Variants in ZNF618 observed in about 807,000 individuals in gnomAD.
ZNF618 encodes the protein neural precursor cell expressed, developmentally down-regulated 10.
ZNF618 carries 34 observed loss-of-function variants against 103.0 expected under a neutral mutation model. That is an observed-to-expected ratio of 0.33 (90% CI 0.25 to 0.44). ZNF618 has a LOEUF of 0.44. Ranked by LOEUF, ZNF618 falls within the 20% of genes least tolerant of loss-of-function variation. ZNF618 has a pLI of 1.00. For synonymous variants in ZNF618, 551 were observed against 542.2 expected (o/e 1.02, Z -0.23); for missense variants, 1,059 against 1,295.4 (o/e 0.82, Z 2.80).
chr9:114,002,373 G>A (rs1272502330), intron 5 of ZNF618, among the ~76,000 whole-genome samples: 1 of 152,238 alleles, frequency 6.6e-6, no homozygotes, highest in East Asian at 1.9e-4. Flanking sequence ...CTCAGTGTCA[G>A]TGGCCCCCAC....
intron 13 of ZNF618, among the ~76,000 whole-genome samples, chr9:114,042,394 T>G (rs1845275260): frequency 6.6e-6 from 1 of 152,204 alleles, no homozygotes; most frequent in African/African-American, 2.4e-5. Context: ...TAACAGTGGC[T>G]GGGCTTGGTG....
intron 2 of ZNF618, among the ~76,000 whole-genome samples, chr9:113,982,001 C>CAGAG (rs55813739): frequency 1.5e-4 from 23 of 150,890 alleles, no homozygotes; most frequent in Admixed American, 1.3e-3. Context: ...AGGTGAGACC[C>CAGAG]AGAGAGAGAG....
intron 1 of ZNF618, among the ~76,000 whole-genome samples, chr9:113,900,635 C>T (rs925587246): frequency 2.7e-5 from 4 of 150,410 alleles, no homozygotes; most frequent in Admixed American, 6.6e-5. Context: ...CGTCCTCTCC[C>T]GCGAACCCGA....
At chr9:113,994,681 C>T (rs962598443) in intron 3 of ZNF618, among the ~76,000 whole-genome samples, 8 of 152,066 alleles carry the variant, frequency 5.3e-5, no homozygotes, top group Non-Finnish European at 1.2e-4. Flanking sequence ...GTGTTTTTAA[C>T]GGGACAAAAA....
chr9:113,899,262 A>G (rs1157066461), intron 1 of ZNF618, among the ~76,000 whole-genome samples: 1 of 151,972 alleles, frequency 6.6e-6, no homozygotes, highest in East Asian at 1.9e-4. Context: ...TCATTATTCC[A>G]GGCTGAAACT....
intron 1 of ZNF618, among the ~76,000 whole-genome samples, chr9:113,965,909 A>G (rs371517429): frequency 1.2e-3 from 184 of 152,214 alleles, no homozygotes; most frequent in African/African-American, 4.2e-3. Context: ...ACCGTTGGAG[A>G]AGGCCTTCGG....
intron 6 of ZNF618, among the ~76,000 whole-genome samples, chr9:114,004,479 C>T (rs1444887904): frequency 2.0e-5 from 3 of 152,232 alleles, no homozygotes; most frequent in Non-Finnish European, 4.4e-5. Flanking sequence ...CTATTCTGGG[C>T]CCCTGGCCTC....
At chr9:113,970,902 CTGT>C (rs1417279968) in intron 2 of ZNF618, among the ~76,000 whole-genome samples, 1 of 147,556 alleles carries the variant, frequency 6.8e-6, no homozygotes, top group Non-Finnish European at 1.5e-5. Context: ...TTGTTCACTG[CTGT>C]GGGCCTGGCC....
rs979754828 is a variant in ZNF618, at chr9:114,056,400, G to T, written c.*6233G>T. On this transcript the variant is annotated 3_prime_UTR_variant, in exon 15 of 15. Transcript: ENST00000374126. ...AGGGAGAAGAGGAAGGTTCCACTCG[G>T]TTCTTTAAGTCGCCAAAAGCCCCAG... is the stretch of plus-strand genomic sequence containing the variant. 1.1e-4 allele frequency: 16 copies of T among 152,178 alleles called. No individual in the cohort carries two copies. The highest frequency in any genetic ancestry group is 3.4e-4 in the African/African-American group (14 of 41,430). The allele number at this position is 152,178 out of a possible 1,614,324, so 9.4% of individuals were successfully genotyped here.
chr9:114,039,930 T>C (rs191929603), intron 13 of ZNF618, among the ~76,000 whole-genome samples: 2 of 150,796 alleles, frequency 1.3e-5, no homozygotes, highest in Admixed American at 6.6e-5. Context: ...TTTACAAATG[T>C]ACATGTGGGG....
At chr9:113,886,538 A>C (rs905274701) in intron 1 of ZNF618, among the ~76,000 whole-genome samples, 2 of 152,134 alleles carry the variant, frequency 1.3e-5, no homozygotes, top group African/African-American at 4.8e-5. Flanking sequence ...ATAAACATTT[A>C]ATTGTGTTTA....
chr9:114,031,231 C>G (rs1403627471), intron 11 of ZNF618, among the ~76,000 whole-genome samples: 3 of 152,132 alleles, frequency 2.0e-5, no homozygotes, highest in African/African-American at 7.2e-5. Flanking sequence ...ATGAGAGCCC[C>G]CCACCCCCAC....
At chr9:114,045,408 G>A (rs1019791329) in intron 13 of ZNF618, among the ~76,000 whole-genome samples, 12 of 151,900 alleles carry the variant, frequency 7.9e-5, no homozygotes, top group Middle Eastern at 3.4e-3. Flanking sequence ...GTGTGAGGCG[G>A]GAGTCCAATT....
At chr9:113,971,589 G>A (rs181572891) in intron 2 of ZNF618, among the ~76,000 whole-genome samples, 52 of 152,248 alleles carry the variant, frequency 3.4e-4, no homozygotes, top group African/African-American at 1.3e-3. Context: ...CCCACCCCTC[G>A]TCAGTCCTGT....
Position 113,988,557 on chromosome 9 carries a change from G to A in ZNF618, c.314G>A (p.Gly105Asp). The A allele has an allele frequency of 6.2e-7, 1 of 1,609,686 alleles. No homozygotes were observed. Among genetic ancestry groups the A allele is most frequent in the Non-Finnish European group, 8.5e-7 (1 of 1,179,266 alleles). The change falls in exon 3 of 15, where the codon GGC becomes GAC. Residue 105 changes from glycine to aspartate, a missense_variant. By Grantham distance (94) the Gly-to-Asp change is moderately conservative. Coordinates refer to ENST00000374126, the MANE Select transcript of ZNF618 (RefSeq NM_001318042.2). ...VPAEICVVIG[G>D]VRNQQTLDGK... ...GCCGAGATCTGCGTGGTGATCGGCG[G>A]CGTCCGCAACCAGCAGACCCTTGGT...
At chr9:113,905,789 C>T (rs181504761) in intron 1 of ZNF618, among the ~76,000 whole-genome samples, 7 of 152,298 alleles carry the variant, frequency 4.6e-5, no homozygotes, top group Admixed American at 3.3e-4. Flanking sequence ...CCCTCCCTTG[C>T]ATGTTTCACC....
At chr9:113,977,671 C>T (rs1198340299) in intron 2 of ZNF618, among the ~76,000 whole-genome samples, 1 of 152,164 alleles carries the variant, frequency 6.6e-6, no homozygotes, top group Non-Finnish European at 1.5e-5. Flanking sequence ...ATTGCCAGAC[C>T]CATTGGTAAA....
At chr9:113,893,791 C>G (rs1299491849) in intron 1 of ZNF618, among the ~76,000 whole-genome samples, 1 of 152,062 alleles carries the variant, frequency 6.6e-6, no homozygotes, top group Non-Finnish European at 1.5e-5. Flanking sequence ...TTAAAACCAT[C>G]TCCTTTTGAT....
At chr9:113,929,684 C>T (rs2131819771) in intron 1 of ZNF618, among the ~76,000 whole-genome samples, 1 of 152,322 alleles carries the variant, frequency 6.6e-6, no homozygotes, top group East Asian at 1.9e-4. Context: ...AATGTGCTCT[C>T]TGGGCCTCAG....
Sources: gnomAD v4.1 joint callset for allele counts (sites outside exome capture counted in the v4.1 genomes callset) on GRCh38, gnomAD v4.1.1 for gene constraint, MANE v1.5 for transcripts, NCBI Gene and HGNC (gene_info 2026-07-23, HGNC 2026-07-21) for gene names.